MTSS1: variants seen among roughly 807,000 people sequenced by gnomAD.
MTSS1 encodes the protein protein MTSS 1.
MTSS1 carries 18 observed loss-of-function variants against 79.0 expected under a neutral mutation model. The ratio of observed to expected loss-of-function variants is 0.23; its 90% CI spans 0.16 to 0.34. MTSS1 has a LOEUF of 0.34. MTSS1 is among the 10% of genes least tolerant of loss of function. The pLI, the probability that MTSS1 is intolerant of heterozygous loss-of-function variation, is 1.00. For synonymous variants in MTSS1, 341 were observed against 368.6 expected (o/e 0.93, Z 0.86); for missense variants, 815 against 986.2 (o/e 0.83, Z 2.33).
intron 3 of MTSS1, among the ~76,000 whole-genome samples, chr8:124,652,251 G>A (rs1203271875): frequency 6.6e-6 from 1 of 152,162 alleles, no homozygotes; most frequent in African/African-American, 2.4e-5. Context: ...TTGGCTCACT[G>A]CAACCTCTGC....
intron 7 of MTSS1, chr8:124,568,124 C>T: frequency 1.4e-6 from 1 of 690,812 alleles, no homozygotes; most frequent in Non-Finnish European, 2.3e-6. Context: ...GGGGACCTCA[C>T]TTTGAGAACC....
intron 3 of MTSS1, among the ~76,000 whole-genome samples, chr8:124,671,444 C>G (rs773729585): frequency 1.3e-5 from 2 of 152,184 alleles, no homozygotes; most frequent in Non-Finnish European, 2.9e-5. Context: ...AGGAAAGTCA[C>G]GACTTTCTCA....
At chr8:124,698,032 A>G (rs1378543929) in intron 3 of MTSS1, 1 of 152,198 alleles carries the variant, frequency 6.6e-6, no homozygotes, top group Non-Finnish European at 1.5e-5. Context: ...TACCAAACAT[A>G]TAGTTTCTAT....
intron 3 of MTSS1, among the ~76,000 whole-genome samples, chr8:124,650,931 G>A (rs1299345391): frequency 6.6e-6 from 1 of 152,196 alleles, no homozygotes; most frequent in Non-Finnish European, 1.5e-5. Context: ...TTACCTCTCT[G>A]TGCCCAAGCT....
chr8:124,647,227 T>C (rs1464957102), intron 3 of MTSS1, among the ~76,000 whole-genome samples: 1 of 152,242 alleles, frequency 6.6e-6, no homozygotes, highest in African/African-American at 2.4e-5. Flanking sequence ...TTATGTCTTA[T>C]GTATGTGCTG....
rs1470650619 is a variant in MTSS1 at position 124,727,035 on chromosome 8, C to T, written c.72+849G>A. On this transcript the variant is annotated intron_variant, in intron 1 of 13. Transcript: ENST00000518547. This position sits in a 1 kb window ranked among gnomAD's most constrained non-coding sequence, Gnocchi z 4.7. The stretch of plus-strand genomic sequence containing the variant: ...TCCACATCCGAGGATCAGGTTATCC[C>T]CAGTCCCACCCTTTGCAGGAAAAAA... Among the ~76,000 whole-genome samples the T allele has an allele frequency of 6.6e-6, 1 of 152,190 alleles. No individual in the cohort carries two copies.
chr8:124,605,611 G>GCACTGCCTCCCTCCCTGCCCTCT (rs1563843010), intron 3 of MTSS1, among the ~76,000 whole-genome samples: 6 of 109,486 alleles, frequency 5.5e-5, no homozygotes, highest in African/African-American at 2.2e-4. Flanking sequence ...CCCTGCCCTC[G>GCACTGCCTCCCTCCCTGCCCTCT]CGCTGCCTCC....
intron 3 of MTSS1, among the ~76,000 whole-genome samples, chr8:124,592,657 C>G (rs1034954418): frequency 6.6e-6 from 1 of 152,116 alleles, no homozygotes; most frequent in Non-Finnish European, 1.5e-5. Flanking sequence ...ACATATATAT[C>G]GTATATTAAT....
At chr8:124,702,678 T>C (rs896433849) in intron 2 of MTSS1, among the ~76,000 whole-genome samples, 1 of 151,934 alleles carries the variant, frequency 6.6e-6, no homozygotes, top group African/African-American at 2.4e-5. Context: ...ACATCATCCC[T>C]CTCCCACCTC....
intron 3 of MTSS1, among the ~76,000 whole-genome samples, chr8:124,649,594 C>CA (rs1460217444): frequency 1.3e-5 from 2 of 152,150 alleles, no homozygotes; most frequent in Non-Finnish European, 2.9e-5. Flanking sequence ...AATTACTCCT[C>CA]AAGGTGCTCC....
rs73704104 is a variant in MTSS1 at position 124,565,609 on chromosome 8, A to G, written c.824+53T>C. 4.6e-4 allele frequency: 697 copies of G among 1,500,254 alleles called. 3 individuals are homozygous for G. The African/African-American group carries it at 9.0e-3, about 19-fold the overall frequency. 92.9% of individuals were successfully genotyped at this position (1,500,254 alleles called of 1,614,324 possible). On this transcript the variant is annotated intron_variant, in intron 9 of 13. Coordinates refer to ENST00000518547, the MANE Select transcript of MTSS1 (RefSeq NM_014751.6). ...GACTGGCTCCATTGCTCACATTAGCATAAAGAAAAATGACCCGTCCTGAAA... is the reference window on the plus strand; with the variant it reads ...GACTGGCTCCATTGCTCACATTAGCGTAAAGAAAAATGACCCGTCCTGAAA...
rs1223040343 is a variant in MTSS1 at position 124,582,619 on chromosome 8, G to A, written c.460+2468C>T. Reference sequence around the variant, plus strand: ...TGCATACATCAGATTCCGTCTATCAGGACAAAAAAAAAAATGTATCCAAAA... The same window carrying A: ...TGCATACATCAGATTCCGTCTATCAAGACAAAAAAAAAAATGTATCCAAAA... On this transcript the variant is annotated intron_variant, in intron 6 of 13. Coordinates refer to ENST00000518547, the MANE Select transcript of MTSS1 (RefSeq NM_014751.6). The surrounding 1 kb of genome is among the most constrained non-coding windows in gnomAD (Gnocchi z 4.8). Among the ~76,000 whole-genome samples, 2 of 149,818 alleles carry A rather than the reference G, an allele frequency of 1.3e-5. No individual in the cohort carries two copies. The highest frequency in any genetic ancestry group is 4.9e-5 in the African/African-American group (2 of 41,072).
At chr8:124,617,924 T>C (rs1015780649) in intron 3 of MTSS1, among the ~76,000 whole-genome samples, 1 of 152,142 alleles carries the variant, frequency 6.6e-6, no homozygotes, top group Non-Finnish European at 1.5e-5. Flanking sequence ...TTCCAAGAGG[T>C]GGCCTGGCAC....
chr8:124,565,497 G>A (rs1478997110), intron 9 of MTSS1, among the ~76,000 whole-genome samples, 165 bp downstream of exon 9: 2 of 152,200 alleles, frequency 1.3e-5, no homozygotes, highest in Non-Finnish European at 2.9e-5. Flanking sequence ...TTAATCCAGA[G>A]ACTAAAGAGC....
chr8:124,654,771 C>T (rs542648785), intron 3 of MTSS1, among the ~76,000 whole-genome samples: 15 of 152,212 alleles, frequency 9.9e-5, no homozygotes, highest in East Asian at 1.9e-4. Context: ...CATTAGTAAA[C>T]GTTACAAGCA....
chr8:124,556,599 C>A (rs1296678425), intron 11 of MTSS1, 194 bp from the exon 12 acceptor site: 1 of 625,450 alleles, frequency 1.6e-6, no homozygotes, highest in Non-Finnish European at 2.7e-6. Context: ...TGGGAGCCCC[C>A]TGTGTACCTC....
intron 1 of MTSS1, among the ~76,000 whole-genome samples, chr8:124,725,759 A>G (rs983763004): frequency 6.6e-6 from 1 of 152,224 alleles, no homozygotes; most frequent in African/African-American, 2.4e-5. Flanking sequence ...TTTAATTTCC[A>G]TTTAAAATGT....
intron 3 of MTSS1, among the ~76,000 whole-genome samples, chr8:124,647,271 G>T (rs1043023496): frequency 1.3e-5 from 2 of 152,126 alleles, no homozygotes; most frequent in Non-Finnish European, 2.9e-5. Flanking sequence ...TAGATTTAGA[G>T]TTTTTTTATG....
intron 3 of MTSS1, among the ~76,000 whole-genome samples, chr8:124,652,962 G>T (rs569219522): frequency 6.6e-6 from 1 of 152,162 alleles, no homozygotes; most frequent in African/African-American, 2.4e-5. Flanking sequence ...TTTACACTGC[G>T]ACTTGATGGC....
Sources: allele counts gnomAD v4.1 joint callset (sites outside exome capture counted in the v4.1 genomes callset), GRCh38; gene constraint gnomAD v4.1.1; non-coding constraint Gnocchi (gnomAD v3.1); transcripts MANE v1.5; gene names NCBI Gene and HGNC (gene_info 2026-07-23, HGNC 2026-07-21).